Variants in DCUN1D4 observed in about 807,000 individuals in gnomAD.
The protein encoded by DCUN1D4 is defective in cullin neddylation 1 domain containing 4.
In DCUN1D4, 22 loss-of-function variants were observed where a neutral mutation model predicts 47.9. That is an observed-to-expected ratio of 0.46 (90% CI 0.33 to 0.66). The LOEUF is 0.66. Ranked by LOEUF, DCUN1D4 falls within the 30% of genes least tolerant of loss-of-function variation. DCUN1D4 has a pLI of 0.02. For synonymous variants in DCUN1D4, 121 were observed against 112.2 expected, an observed-to-expected ratio of 1.08 and a Z score of -0.50; for missense variants, 301 against 340.8, an observed-to-expected ratio of 0.88 and a Z score of 0.92.
upstream of DCUN1D4, among the ~76,000 whole-genome samples, chr4:51,838,501 C>T (rs1377604689): frequency 6.6e-6 from 1 of 152,114 alleles, no homozygotes; most frequent in African/African-American, 2.4e-5. Flanking sequence ...CCCACCTCAG[C>T]CACCTGAGTA....
At chr4:51,859,960 A>G (rs1314995361) in intron 1 of DCUN1D4, among the ~76,000 whole-genome samples, 1 of 152,168 alleles carries the variant, frequency 6.6e-6, no homozygotes, top group Admixed American at 6.5e-5. Flanking sequence ...GTTCTCGGTA[A>G]AGCATTTGAT....
chr4:51,893,221 G>A (rs2110072231), intron 7 of DCUN1D4, among the ~76,000 whole-genome samples: 1 of 152,306 alleles, frequency 6.6e-6, no homozygotes, highest in Admixed American at 6.5e-5. Flanking sequence ...TGACAAATGA[G>A]TTTTAGGTAA....
At chr4:51,835,291 C>CT in the DCUN1D4 span, among the ~76,000 whole-genome samples, 25 of 152,330 alleles carry the variant, frequency 1.6e-4, no homozygotes, top group Middle Eastern at 3.4e-3. Flanking sequence ...CCTCTCTGTG[C>CT]TTCAGTGTTT....
chr4:51,867,678 G>A (rs1237783495), intron 3 of DCUN1D4, among the ~76,000 whole-genome samples: 2 of 152,194 alleles, frequency 1.3e-5, no homozygotes, highest in Non-Finnish European at 2.9e-5. Context: ...ATGGGTTTCA[G>A]AGGGGAGAAA....
intron 8 of DCUN1D4, among the ~76,000 whole-genome samples, chr4:51,901,914 G>A (rs1189037695): frequency 6.6e-6 from 1 of 152,128 alleles, no homozygotes; most frequent in Non-Finnish European, 1.5e-5. Context: ...TATGCTCTAA[G>A]ATAAATTTTT....
At position 51,913,569 on chromosome 4, in the gene DCUN1D4, C is replaced by T. The variant is rs371642489; in HGVS notation, c.864C>T (p.Asp288=). 5 of 1,612,780 alleles carry T rather than the reference C, an allele frequency of 3.1e-6. No homozygotes were observed. The African/African-American group carries it at 6.7e-5, about 22-fold the overall frequency. ...LLDEFVEWYK[D]KQMS is the part of the protein sequence containing the mutation. ...ACGAGTTTGTGGAGTGGTATAAAGACAAACAGATGTCCTAGGACTTTATGC... is the reference window on the plus strand; with the variant it reads ...ACGAGTTTGTGGAGTGGTATAAAGATAAACAGATGTCCTAGGACTTTATGC... Residue 288 remains aspartate (D), a synonymous_variant, in exon 11 of 11, where the codon GAC becomes GAT. Coordinates refer to ENST00000334635, the MANE Select transcript of DCUN1D4 (RefSeq NM_001040402.3).
At chr4:51,844,914 T>G in intron 1 of DCUN1D4, 1 of 985,458 alleles carries the variant, frequency 1.0e-6, no homozygotes, top group Non-Finnish European at 1.2e-6. Context: ...CCCGGCCAGC[T>G]CCTGCGCGCT....
intron 1 of DCUN1D4, among the ~76,000 whole-genome samples, chr4:51,854,178 T>TGA (rs1178014394): frequency 6.6e-6 from 1 of 152,234 alleles, no homozygotes; most frequent in African/African-American, 2.4e-5. Flanking sequence ...CAAATGAAAC[T>TGA]GAGACCTGTG....
chr4:51,909,096 A>G, intron 8 of DCUN1D4: 1 of 440,218 alleles, frequency 2.3e-6, no homozygotes, highest in Non-Finnish European at 4.6e-6. Flanking sequence ...TCAGATGATT[A>G]TATTGTTGCA....
chr4:51,906,614 T>C (rs1578049497), intron 8 of DCUN1D4, among the ~76,000 whole-genome samples: 1 of 152,328 alleles, frequency 6.6e-6, no homozygotes, highest in Middle Eastern at 3.4e-3. Context: ...CACTGTCATT[T>C]ACAAAGAAAA....
chr4:51,892,260 A>G (rs1488682625), intron 7 of DCUN1D4, among the ~76,000 whole-genome samples: 19 of 152,204 alleles, frequency 1.2e-4, no homozygotes, highest in Admixed American at 1.2e-3. Context: ...CATGTAATCA[A>G]TATTCTTAAG....
intron 3 of DCUN1D4, among the ~76,000 whole-genome samples, chr4:51,873,250 CAGG>C (rs963537375): frequency 5.3e-5 from 8 of 152,300 alleles, no homozygotes; most frequent in African/African-American, 1.7e-4. Context: ...CCTGAGACCT[CAGG>C]AGGTCACTTA....
chr4:51,856,199 C>A (rs926572998), intron 1 of DCUN1D4, among the ~76,000 whole-genome samples: 9 of 152,120 alleles, frequency 5.9e-5, no homozygotes, highest in Non-Finnish European at 1.2e-4. Context: ...TTCCTTCTGC[C>A]GCCTTTACAG....
chr4:51,849,924 C>G (rs1723126964), intron 1 of DCUN1D4, among the ~76,000 whole-genome samples: 1 of 151,772 alleles, frequency 6.6e-6, no homozygotes, highest in African/African-American at 2.4e-5. Flanking sequence ...TACCAAATAC[C>G]TTTTTAGTCA....
chr4:51,851,509 G>A (rs1266180815), intron 1 of DCUN1D4, among the ~76,000 whole-genome samples: 2 of 151,978 alleles, frequency 1.3e-5, no homozygotes, highest in Non-Finnish European at 2.9e-5. Flanking sequence ...TGGGTGTTTG[G>A]TAGGCTAGAG....
chr4:51,870,731 T>G (rs1294367935), intron 3 of DCUN1D4, among the ~76,000 whole-genome samples: 1 of 152,246 alleles, frequency 6.6e-6, no homozygotes, highest in Non-Finnish European at 1.5e-5. Context: ...TTGCTCTTGC[T>G]TAGTTGGGAT....
At chr4:51,878,697 C>T (rs1044134845) in intron 5 of DCUN1D4, among the ~76,000 whole-genome samples, 3 of 152,218 alleles carry the variant, frequency 2.0e-5, no homozygotes, top group African/African-American at 7.2e-5. Context: ...GTGAACTCCC[C>T]GTGCCTTTGC....
intron 6 of DCUN1D4, among the ~76,000 whole-genome samples, chr4:51,889,334 T>C (rs1730060184): frequency 6.6e-6 from 1 of 152,244 alleles, no homozygotes; most frequent in African/African-American, 2.4e-5. Flanking sequence ...TCTGCATTGA[T>C]GGGCAAGCAC....
intron 7 of DCUN1D4, among the ~76,000 whole-genome samples, chr4:51,898,799 A>C (rs1384676780): frequency 6.6e-6 from 1 of 152,246 alleles, no homozygotes; most frequent in African/African-American, 2.4e-5. Context: ...GAAATATGAC[A>C]GCTAAAAGCA....
Sources: gnomAD v4.1 joint callset for allele counts (sites outside exome capture counted in the v4.1 genomes callset) on GRCh38, gnomAD v4.1.1 for gene constraint, MANE v1.5 for transcripts, NCBI Gene and HGNC (gene_info 2026-07-23, HGNC 2026-07-21) for gene names.